The following TBC1D30 variants were observed in gnomAD, a reference collection of about 807,000 sequenced individuals.
TBC1D30 encodes TBC1 domain family, member 30.
Under a neutral mutation model 63.2 loss-of-function variants are expected in TBC1D30, and 31 were observed. The observed-to-expected ratio is 0.49, with a 90% CI of 0.37 to 0.66. The LOEUF (loss-of-function observed/expected upper bound fraction) is 0.66, where lower values mean the gene tolerates loss of function less well. TBC1D30 is among the 30% of genes least tolerant of loss of function. The pLI is 0.00. For synonymous variants in TBC1D30, 307 were observed against 361.5 expected (o/e 0.85, Z 1.71); for missense variants, 810 against 953.6 (o/e 0.85, Z 1.98).
chr12:64,763,765 C>A (rs1334538663), intron 1 of TBC1D30, among the ~76,000 whole-genome samples: 2 of 152,030 alleles, frequency 1.3e-5, no homozygotes, highest in Admixed American at 1.3e-4. Flanking sequence ...TACACCACCA[C>A]ATCCAGCTAA....
intron 2 of TBC1D30, among the ~76,000 whole-genome samples, chr12:64,813,425 C>G (rs1248635400): frequency 6.6e-6 from 1 of 152,004 alleles, no homozygotes; most frequent in Admixed American, 6.6e-5. Flanking sequence ...AAAGAAAACC[C>G]CTATGAAATA....
intron 1 of TBC1D30, among the ~76,000 whole-genome samples, chr12:64,769,593 G>A (rs1024813649): frequency 1.4e-5 from 2 of 143,454 alleles, no homozygotes; most frequent in Non-Finnish European, 3.0e-5. Flanking sequence ...TCACCATCTT[G>A]GACAGGCTGG....
At chr12:64,845,598 T>A (rs1419267190) in intron 8 of TBC1D30, among the ~76,000 whole-genome samples, 1 of 151,536 alleles carries the variant, frequency 6.6e-6, no homozygotes, top group Non-Finnish European at 1.5e-5. Flanking sequence ...TGGTGGCGGG[T>A]GCCTGTAGTC....
chr12:64,760,746 A>C (rs1485733272), intron 1 of TBC1D30, among the ~76,000 whole-genome samples: 5 of 152,064 alleles, frequency 3.3e-5, no homozygotes, highest in Admixed American at 2.6e-4. Context: ...TAAAAAAAAA[A>C]ACTCGTGAAA....
chr12:64,852,898 G>C (rs1020175580), intron 8 of TBC1D30, among the ~76,000 whole-genome samples: 5 of 152,158 alleles, frequency 3.3e-5, no homozygotes, highest in Non-Finnish European at 7.4e-5. Flanking sequence ...ATGCCAGCCA[G>C]AGCTCTCCTC....
chr12:64,803,064 A>C (rs1872675037), intron 2 of TBC1D30, among the ~76,000 whole-genome samples: 1 of 152,208 alleles, frequency 6.6e-6, no homozygotes, highest in African/African-American at 2.4e-5. Context: ...TCCTTGAGGA[A>C]TCGCCACACT....
intron 2 of TBC1D30, among the ~76,000 whole-genome samples, chr12:64,801,709 T>A (rs1191666172): frequency 2.6e-5 from 4 of 152,188 alleles, no homozygotes; most frequent in African/African-American, 9.7e-5. Flanking sequence ...GTTAATACAA[T>A]CTTTACATGA....
At position 64,866,799 on chromosome 12, in the gene TBC1D30, A is replaced by C; in HGVS notation, c.1187A>C (p.Asn396Thr). 6.5e-7 allele frequency: 1 copy of C among 1,536,654 alleles called. No individual in the cohort carries two copies. Residue 396 changes from asparagine (N) to threonine (T), a missense_variant, in exon 10 of 12, where the codon AAT becomes ACT. Physicochemically the swap from Asn to Thr is moderately conservative, Grantham distance 65. Around this residue, in one of 4 missense-constraint regions of TBC1D30, gnomAD observed 450 missense variants for 473.0 expected, o/e 0.95. Transcript: ENST00000539867. ...HSKARDSDEE[N>T]DPDDEDAVVN... ...AAGGCCAGAGACAGTGATGAAGAGAATGACCCAGACGATGAGGATGCTGTC... is the reference window on the plus strand; with the variant it reads ...AAGGCCAGAGACAGTGATGAAGAGACTGACCCAGACGATGAGGATGCTGTC...
At chr12:64,785,505 C>T (rs1323718520) in intron 1 of TBC1D30, among the ~76,000 whole-genome samples, 1 of 151,148 alleles carries the variant, frequency 6.6e-6, no homozygotes, top group African/African-American at 2.4e-5. Flanking sequence ...ATGTAACAGA[C>T]TAAAAAAGAT....
chr12:64,759,493 T>A, exon 1 of TBC1D30: 1 of 502,280 alleles, frequency 2.0e-6, no homozygotes, highest in Non-Finnish European at 3.5e-6. Context: ...TGGGCGGGGC[T>A]GCGGACTGGC....
intron 6 of TBC1D30, 22 bp from the exon 7 acceptor site, chr12:64,838,661 G>T (rs1399140873): frequency 1.3e-6 from 2 of 1,535,940 alleles, no homozygotes; most frequent in Admixed American, 2.0e-5. Flanking sequence ...TGAAGGAATT[G>T]AATGTGTTTG....
At chr12:64,834,362 C>T (rs1173815721) in intron 5 of TBC1D30, among the ~76,000 whole-genome samples, 1 of 149,668 alleles carries the variant, frequency 6.7e-6, no homozygotes, top group South Asian at 2.1e-4. Flanking sequence ...CATTTTCAAC[C>T]TTTTGTTAAA....
chr12:64,854,873 G>A (rs915212166), intron 8 of TBC1D30, among the ~76,000 whole-genome samples: 1 of 152,088 alleles, frequency 6.6e-6, no homozygotes, highest in Middle Eastern at 3.2e-3. Flanking sequence ...GTGTTTTTCT[G>A]TGTGCTTACT....
intron 3 of TBC1D30, among the ~76,000 whole-genome samples, chr12:64,829,183 GAGC>G (rs1344014606): frequency 6.6e-6 from 1 of 152,168 alleles, no homozygotes; most frequent in Non-Finnish European, 1.5e-5. Flanking sequence ...GGGAAGTTTT[GAGC>G]AGGGGAGTGA....
upstream of TBC1D30, among the ~76,000 whole-genome samples, chr12:64,823,494 G>C (rs1874018817): frequency 6.6e-6 from 1 of 152,078 alleles, no homozygotes; most frequent in Admixed American, 6.6e-5. Context: ...CAGGGACTAG[G>C]TCTGTTGCTC....
chr12:64,794,749 C>G (rs1310198366), intron 2 of TBC1D30, among the ~76,000 whole-genome samples: 1 of 152,018 alleles, frequency 6.6e-6, no homozygotes, highest in Non-Finnish European at 1.5e-5. Context: ...GTAACGTTTT[C>G]TCTCTTTCTC....
At chr12:64,830,696 G>A (rs1050171300) in intron 4 of TBC1D30, among the ~76,000 whole-genome samples, 194 bp downstream of exon 4, 19 of 152,146 alleles carry the variant, frequency 1.2e-4, no homozygotes, top group African/African-American at 2.4e-4. Context: ...AAATGTTACC[G>A]GTAAGAAGAA....
intron 1 of TBC1D30, among the ~76,000 whole-genome samples, chr12:64,769,635 C>T (rs535086310): frequency 6.6e-6 from 1 of 151,628 alleles, no homozygotes; most frequent in East Asian, 1.9e-4. Context: ...ATCTGCCCGC[C>T]TTGGCCTCCC....
At chr12:64,782,497 G>T (rs1241871819) in intron 1 of TBC1D30, among the ~76,000 whole-genome samples, 5 of 151,818 alleles carry the variant, frequency 3.3e-5, no homozygotes, top group African/African-American at 1.2e-4. Flanking sequence ...GAATTATTTG[G>T]TTGTTCTCAG....
Sources: allele counts gnomAD v4.1 joint callset (sites outside exome capture counted in the v4.1 genomes callset), GRCh38; gene constraint gnomAD v4.1.1; regional missense constraint gnomAD v4.1.1; transcripts MANE v1.5; gene names NCBI Gene and HGNC (gene_info 2026-07-23, HGNC 2026-07-21).